ADGRV1: variants seen among roughly 807,000 people sequenced by gnomAD.
The protein encoded by ADGRV1 is adhesion G protein-coupled receptor V1, also known as G-protein coupled receptor 98.
A neutral mutation model predicts 596.2 loss-of-function variants in ADGRV1; 359 were observed. The ratio of observed to expected loss-of-function variants is 0.60; its 90% confidence interval spans 0.55 to 0.66. ADGRV1 has a LOEUF of 0.66. Among genes scored for constraint, ADGRV1 ranks in the 30% least tolerant of loss-of-function variants. The pLI is 0.00. For missense variants in ADGRV1, 7,274 were observed against 7,575.6 expected, an observed-to-expected ratio of 0.96 and a Z score of 1.48; for synonymous variants, 2,681 against 2,679.2, an observed-to-expected ratio of 1.00 and a Z score of -0.02.
intron 11 of ADGRV1, among the ~76,000 whole-genome samples, chr5:90,638,833 A>T (rs1012317436): frequency 6.6e-6 from 1 of 152,120 alleles, no homozygotes; most frequent in Non-Finnish European, 1.5e-5. Context: ...TGTCTTATAG[A>T]TTTTTCTTTG....
chr5:90,729,885 G>T (rs62373961), intron 50 of ADGRV1, 121 bp downstream of exon 50: 3 of 921,832 alleles, frequency 3.3e-6, no homozygotes, highest in Non-Finnish European at 4.9e-6. Flanking sequence ...TTTTTTTTTG[G>T]AGATGGGGTC....
chr5:90,604,645 A>C (rs889516574), intron 1 of ADGRV1, among the ~76,000 whole-genome samples: 4 of 152,124 alleles, frequency 2.6e-5, no homozygotes, highest in African/African-American at 9.7e-5. Context: ...AATATGTGAA[A>C]TTGTTGCTGT....
At chr5:90,745,358 A>G in intron 51 of ADGRV1, 93 bp downstream of exon 51, 1 of 848,476 alleles carries the variant, frequency 1.2e-6, no homozygotes, top group Non-Finnish European at 1.8e-6. Flanking sequence ...ACTGAAAAAT[A>G]TACAAAATAT....
intron 84 of ADGRV1, among the ~76,000 whole-genome samples, chr5:90,981,657 C>T (rs1175112726): frequency 2.0e-5 from 3 of 152,048 alleles, no homozygotes; most frequent in Admixed American, 6.5e-5. Context: ...CCCTGAGCTG[C>T]CAGAATGGGC....
At chr5:90,716,392 A>G in intron 42 of ADGRV1, 75 bp from the exon 43 acceptor site, 3 of 1,075,748 alleles carry the variant, frequency 2.8e-6, no homozygotes, top group Non-Finnish European at 3.9e-6. Context: ...GTTTTCAATT[A>G]GACATCCACA....
chr5:90,711,376 A>G, intron 41 of ADGRV1, 54 bp downstream of exon 41: 1 of 1,402,068 alleles, frequency 7.1e-7, no homozygotes, highest in Non-Finnish European at 9.7e-7. Flanking sequence ...TATAATCATT[A>G]TTCCTTGAGA....
intron 50 of ADGRV1, among the ~76,000 whole-genome samples, chr5:90,738,120 T>C (rs968878482): frequency 6.6e-6 from 1 of 152,096 alleles, no homozygotes; most frequent in Admixed American, 6.5e-5. Flanking sequence ...GTGGTTACCA[T>C]GAGGCTTACA....
At chr5:90,767,728 T>C (rs1229881540) in intron 59 of ADGRV1, among the ~76,000 whole-genome samples, 1 of 151,878 alleles carries the variant, frequency 6.6e-6, no homozygotes, top group Non-Finnish European at 1.5e-5. Context: ...CAACATGAGA[T>C]AGCACAGAAA....
chr5:90,612,833 A>G (rs1762876162), intron 1 of ADGRV1, among the ~76,000 whole-genome samples: 1 of 152,090 alleles, frequency 6.6e-6, no homozygotes, highest in Non-Finnish European at 1.5e-5. Flanking sequence ...GGCCTTTTGT[A>G]TGTTCACTCC....
At chr5:91,075,068 A>C (rs538050006) in intron 86 of ADGRV1, among the ~76,000 whole-genome samples, 1 of 152,172 alleles carries the variant, frequency 6.6e-6, no homozygotes, top group Non-Finnish European at 1.5e-5. Flanking sequence ...TAGGTTCCTC[A>C]TAGGTTCTGG....
At chr5:91,057,860 G>A (rs1787029597) in intron 85 of ADGRV1, among the ~76,000 whole-genome samples, 1 of 152,106 alleles carries the variant, frequency 6.6e-6, no homozygotes, top group African/African-American at 2.4e-5. Context: ...GATGTGTGGT[G>A]TCTTTGAAAA....
chr5:91,102,400 G>C, intron 87 of ADGRV1, 60 bp downstream of exon 87: 2 of 1,434,658 alleles, frequency 1.4e-6, no homozygotes, highest in African/African-American at 1.4e-5. Flanking sequence ...ACAAGGCATA[G>C]AATTTCAATA....
chr5:90,796,647 G>A (rs1016076511), intron 70 of ADGRV1, among the ~76,000 whole-genome samples: 1 of 152,106 alleles, frequency 6.6e-6, no homozygotes, highest in Admixed American at 6.5e-5. Context: ...CCCTTGAGAA[G>A]AGCAACCATA....
chr5:90,720,083 A>G lies in ADGRV1; in HGVS notation c.9483A>G (p.Pro3161=). The G allele has an allele frequency of 6.2e-7, 1 of 1,613,768 alleles. No individual in the cohort carries two copies. Among genetic ancestry groups the G allele is most frequent in the Non-Finnish European group, 8.5e-7 (1 of 1,179,696 alleles). ...TATCTGCCATATTAGACACGGAACC[A>G]GAAATGGATGAGTATTTTGTTTGCA... The part of the protein sequence containing the change: ...LQISAILDTE[P]EMDEYFVCTL... The change falls in exon 44 of 90, where the codon CCA becomes CCG. Residue 3161 remains proline, a synonymous_variant. Coordinates refer to ENST00000405460, the MANE Select transcript of ADGRV1 (RefSeq NM_032119.4).
intron 52 of ADGRV1, among the ~76,000 whole-genome samples, chr5:90,747,704 G>T (rs1015109131): frequency 2.0e-5 from 3 of 152,178 alleles, no homozygotes; most frequent in Non-Finnish European, 4.4e-5. Context: ...CTCTCAGAAA[G>T]AAATGAATGT....
rs117250787 is a variant in ADGRV1 at position 91,078,297 on chromosome 5, G to A, written c.18310+5693G>A. The stretch of plus-strand genomic sequence containing the variant: ...GTTGAGTGCCTTTTTTACTCTTGTC[G>A]TTTTTAAAATTTCAAATAGAGCAAA... On this transcript the variant is annotated intron_variant, in intron 86 of 89. Transcript: ENST00000405460. Among the ~76,000 whole-genome samples the A allele has an allele frequency of 3.0e-4, 46 of 152,116 alleles. No homozygotes were observed. In the East Asian group the frequency reaches 6.4e-3, roughly 21 times the overall value.
At chr5:90,978,364 G>A (rs939693497) in intron 84 of ADGRV1, among the ~76,000 whole-genome samples, 17 of 151,970 alleles carry the variant, frequency 1.1e-4, no homozygotes, top group African/African-American at 3.9e-4. Flanking sequence ...TACCTTCAAC[G>A]TTTTTCACTT....
rs762901827 is a variant in ADGRV1, at chr5:90,675,254, T to C, written c.5122T>C (p.Phe1708Leu). ...TTTGTCTCCACTAGGCTTGCTGCAG[T>C]TCTCCACAGGGCTGCCTCCTCAGCC... ...ASDHPYGLLQ[F>L]STGLPPQPKD... The change falls in exon 24 of 90, where the codon TTC (phenylalanine) becomes CTC (leucine). Residue 1708 changes from phenylalanine to leucine, a missense_variant. By Grantham distance (22) the Phe-to-Leu change is conservative (BLOSUM62 0). Around this residue, in one of 5 missense-constraint regions of ADGRV1, gnomAD observed 3,643 missense variants for 3,809.2 expected, o/e 0.96. Coordinates refer to ENST00000405460, the MANE Select transcript of ADGRV1 (RefSeq NM_032119.4). 5 of 1,613,014 alleles carry C rather than the reference T, an allele frequency of 3.1e-6. No homozygotes were observed. Among genetic ancestry groups the C allele is most frequent in the Non-Finnish European group, 4.2e-6 (5 of 1,179,696 alleles).
chr5:91,077,724 A>G (rs1788975427), intron 86 of ADGRV1, among the ~76,000 whole-genome samples: 1 of 152,154 alleles, frequency 6.6e-6, no homozygotes, highest in Non-Finnish European at 1.5e-5. Flanking sequence ...CAGTGGGTGG[A>G]TGTGCAGTGA....
Sources: gnomAD v4.1 joint callset for allele counts (sites outside exome capture counted in the v4.1 genomes callset) on GRCh38, gnomAD v4.1.1 for gene constraint, gnomAD v4.1.1 regional missense constraint, MANE v1.5 for transcripts, NCBI Gene and HGNC (gene_info 2026-07-23, HGNC 2026-07-21) for gene names.